Variants in RAI14 observed in about 807,000 individuals in gnomAD.
The protein encoded by RAI14 is retinoic acid induced 14, also known as ankycorbin.
Under a neutral mutation model 115.4 loss-of-function variants are expected in RAI14, and 45 were observed. The ratio of observed to expected loss-of-function variants is 0.39; its 90% CI spans 0.31 to 0.50. The LOEUF (loss-of-function observed/expected upper bound fraction) is 0.50. RAI14 is among the 20% of genes least tolerant of loss of function. RAI14 has a pLI of 0.85. For missense variants in RAI14, 939 were observed against 1,131.2 expected, an observed-to-expected ratio of 0.83 and a Z score of 2.44; for synonymous variants, 371 against 415.4, an observed-to-expected ratio of 0.89 and a Z score of 1.30.
intron 2 of RAI14, among the ~76,000 whole-genome samples, chr5:34,729,066 A>G (rs982449409): frequency 2.0e-5 from 3 of 152,234 alleles, no homozygotes; most frequent in Non-Finnish European, 4.4e-5. Context: ...TAAGTGAGTT[A>G]TTTGATAAAG....
chr5:34,796,466 C>A (rs1342616769), intron 4 of RAI14, among the ~76,000 whole-genome samples: 2 of 151,958 alleles, frequency 1.3e-5, no homozygotes, highest in Non-Finnish European at 2.9e-5. Flanking sequence ...AGAATCACCT[C>A]CAATAGCAAG....
intron 2 of RAI14, among the ~76,000 whole-genome samples, chr5:34,726,534 G>C (rs1010869477): frequency 2.0e-5 from 3 of 152,138 alleles, no homozygotes; most frequent in Non-Finnish European, 4.4e-5. Context: ...CCCTAACACT[G>C]GGAATTACAA....
chr5:34,767,807 G>A (rs1233270722), intron 3 of RAI14, among the ~76,000 whole-genome samples: 4 of 151,756 alleles, frequency 2.6e-5, no homozygotes, highest in South Asian at 2.1e-4. Context: ...TTATCAAGGC[G>A]AGAGCCCAAT....
chr5:34,698,563 A>C (rs974119083), intron 2 of RAI14, among the ~76,000 whole-genome samples: 2 of 152,098 alleles, frequency 1.3e-5, no homozygotes, highest in Non-Finnish European at 2.9e-5. Context: ...ACTTCATAGA[A>C]GGTGAGTTAG....
chr5:34,830,876 C>T lies in RAI14; in HGVS notation c.*111C>T, dbSNP rs901644235. 28 of 1,518,546 alleles carry T rather than the reference C, an allele frequency of 1.8e-5. No individual in the cohort carries two copies. Among genetic ancestry groups the T allele is most frequent in the Admixed American group, 4.1e-5 (2 of 48,468 alleles). The allele number at this position is 1,518,546 out of a possible 1,614,324, so 94.1% of individuals were successfully genotyped here. ...ATTCGTGGTATGCACTGTGGCCTAG[C>T]GTAGCTTCTTCCCTTTCCAAAGGTT... On this transcript the variant is annotated 3_prime_UTR_variant, in exon 18 of 18. Coordinates refer to ENST00000265109, the MANE Select transcript of RAI14 (RefSeq NM_015577.3).
chr5:34,821,488 A>G (rs1373427774), intron 13 of RAI14, among the ~76,000 whole-genome samples: 1 of 152,204 alleles, frequency 6.6e-6, no homozygotes, highest in Non-Finnish European at 1.5e-5. Flanking sequence ...GACCAAATTC[A>G]TCAATTTTCA....
intron 4 of RAI14, among the ~76,000 whole-genome samples, chr5:34,796,348 A>T (rs954462544): frequency 2.0e-5 from 3 of 151,276 alleles, no homozygotes; most frequent in African/African-American, 7.3e-5. Context: ...CAGTGAGCCG[A>T]GATTGTGCCA....
At chr5:34,656,828 A>C (rs1742303705) in intron 1 of RAI14, 1 of 152,504 alleles carries the variant, frequency 6.6e-6, no homozygotes, top group Non-Finnish European at 1.5e-5. Flanking sequence ...GCGGGTGGGA[A>C]TGAATGAGCA....
chr5:34,767,797 T>C (rs904977789), intron 3 of RAI14, among the ~76,000 whole-genome samples: 7 of 152,018 alleles, frequency 4.6e-5, no homozygotes, highest in Non-Finnish European at 7.4e-5. Context: ...TGTTATCAAA[T>C]TATCAAGGCG....
At chr5:34,776,419 T>C (rs1200300001) in intron 3 of RAI14, among the ~76,000 whole-genome samples, 4 of 152,160 alleles carry the variant, frequency 2.6e-5, no homozygotes, top group Non-Finnish European at 5.9e-5. Flanking sequence ...AAGAGTATAA[T>C]TGAGTTGTTG....
At chr5:34,762,973 G>A (rs888181730) in intron 3 of RAI14, among the ~76,000 whole-genome samples, 3 of 122,336 alleles carry the variant, frequency 2.5e-5, no homozygotes, top group African/African-American at 1.3e-4. Flanking sequence ...GTGTGTGTGT[G>A]TGTATGTGTC....
At chr5:34,762,804 G>C (rs548491848) in intron 3 of RAI14, among the ~76,000 whole-genome samples, 1 of 152,240 alleles carries the variant, frequency 6.6e-6, no homozygotes, top group Admixed American at 6.5e-5. Context: ...ATTTGGATGT[G>C]CATTTAATTA....
At chr5:34,721,322 T>TATATATATATAG (rs1554045941) in intron 2 of RAI14, among the ~76,000 whole-genome samples, 2 of 143,942 alleles carry the variant, frequency 1.4e-5, no homozygotes, top group African/African-American at 5.1e-5. Flanking sequence ...TATATATATA[T>TATATATATATAG]ATAGATGTGT....
intron 2 of RAI14, among the ~76,000 whole-genome samples, chr5:34,736,204 C>T (rs1188352902): frequency 6.6e-6 from 1 of 152,308 alleles, no homozygotes; most frequent in East Asian, 1.9e-4. Context: ...AATTCGACAC[C>T]AGGCTGGCCA....
chr5:34,795,570 A>G lies in RAI14; in HGVS notation c.168-369A>G, dbSNP rs6893133. Among the ~76,000 whole-genome samples the G allele has an allele frequency of 8.5e-3, 1,297 of 152,348 alleles. 18 individuals are homozygous for G. The highest frequency in any genetic ancestry group is 0.03 in the African/African-American group (1,249 of 41,570). ...AGCTGTGGTGAAAACACTAGACAAT[A>G]GGAAAACATTGATAAAGACATATTA... On this transcript the variant is annotated intron_variant, in intron 3 of 17. Transcript: ENST00000265109.
At chr5:34,742,098 C>T (rs1224195123) in intron 2 of RAI14, among the ~76,000 whole-genome samples, 1 of 152,130 alleles carries the variant, frequency 6.6e-6, no homozygotes, top group Non-Finnish European at 1.5e-5. Flanking sequence ...CGCTGACAGT[C>T]TTTGATGAGT....
rs1239780455 is a variant in RAI14 at position 34,753,035 on chromosome 5, T to C, written c.37-4433T>C. Reference sequence around the variant, plus strand: ...AAGGTGGTACATCTGATGTTTTCTATTTTATTTTTTTAACATGTGAGGTTA... The same window carrying C: ...AAGGTGGTACATCTGATGTTTTCTACTTTATTTTTTTAACATGTGAGGTTA... On this transcript the variant is annotated intron_variant, in intron 2 of 17. Transcript: ENST00000265109. 2.0e-5 allele frequency among the ~76,000 whole-genome samples: 3 copies of C among 151,904 alleles called. No homozygotes were observed. The East Asian group carries it at 5.8e-4, about 29-fold the overall frequency.
At chr5:34,672,174 C>A (rs1301847265) in intron 1 of RAI14, among the ~76,000 whole-genome samples, 1 of 152,056 alleles carries the variant, frequency 6.6e-6, no homozygotes, top group Non-Finnish European at 1.5e-5. Context: ...TAAAAAAAAA[C>A]TGAATGATTT....
At chr5:34,677,717 G>C (rs1319703535) in intron 1 of RAI14, among the ~76,000 whole-genome samples, 1 of 152,124 alleles carries the variant, frequency 6.6e-6, no homozygotes, top group Non-Finnish European at 1.5e-5. Context: ...GGGATTATAG[G>C]CATGAGTCAC....
Sources: gnomAD v4.1 joint callset for allele counts (sites outside exome capture counted in the v4.1 genomes callset) on GRCh38, gnomAD v4.1.1 for gene constraint, MANE v1.5 for transcripts, NCBI Gene and HGNC (gene_info 2026-07-23, HGNC 2026-07-21) for gene names.